BTBD8: variants seen among roughly 807,000 people sequenced by gnomAD.
BTBD8 encodes BTB/POZ domain-containing protein 8.
A neutral mutation model predicts 162.9 loss-of-function variants in BTBD8; 110 were observed. The observed-to-expected ratio is 0.68, with a 90% CI of 0.58 to 0.79. BTBD8 has a LOEUF of 0.79. BTBD8 is among the 30% of genes least tolerant of loss of function. The pLI, the probability that BTBD8 is intolerant of heterozygous loss-of-function variation, is 0.00. For missense variants in BTBD8, 1,905 were observed against 2,085.4 expected (o/e 0.91, Z 1.68); for synonymous variants, 667 against 716.1 (o/e 0.93, Z 1.10).
chr1:92,104,112 G>A (rs1426593867), intron 3 of BTBD8, among the ~76,000 whole-genome samples: 1 of 152,216 alleles, frequency 6.6e-6, no homozygotes, highest in Non-Finnish European at 1.5e-5. Context: ...CTAAGCAAAT[G>A]CGAAATTCAT....
chr1:92,132,181 A>G (rs1649532742), intron 5 of BTBD8, among the ~76,000 whole-genome samples: 1 of 152,204 alleles, frequency 6.6e-6, no homozygotes, highest in African/African-American at 2.4e-5. Context: ...GCACATTAGG[A>G]GAAACACATG....
At chr1:92,168,073 ATTGAAGC>A (rs1194464273) in intron 11 of BTBD8, 88 bp downstream of exon 11, 2 of 1,242,830 alleles carry the variant, frequency 1.6e-6, no homozygotes, top group African/African-American at 3.1e-5. Flanking sequence ...TTGCAGGGTC[ATTGAAGC>A]TAGGCAGTGG....
At chr1:92,155,719 T>C (rs1356999243) in intron 9 of BTBD8, among the ~76,000 whole-genome samples, 3 of 152,240 alleles carry the variant, frequency 2.0e-5, no homozygotes, top group Non-Finnish European at 4.4e-5. Flanking sequence ...ATGGGATTGT[T>C]TTTCTAATTT....
In BTBD8 at chr1:92,182,885, A is replaced by G. The variant is rs151247167; in HGVS notation, c.4912+290A>G. 1.4e-4 allele frequency among the ~76,000 whole-genome samples: 21 copies of G among 152,174 alleles called. No individual in the cohort carries two copies. The East Asian group carries it at 3.9e-3, about 28-fold the overall frequency. ...AAAAAGAAAAACTTAGTTTGCTGCT[A>G]TTTAGTTATTTATGTATAATTTAAC... On this transcript the variant is annotated intron_variant, in intron 17 of 17. Coordinates refer to ENST00000636805, the MANE Select transcript of BTBD8 (RefSeq NM_001376131.1).
chr1:92,162,532 A>T (rs1459895330), intron 9 of BTBD8, among the ~76,000 whole-genome samples: 1 of 152,226 alleles, frequency 6.6e-6, no homozygotes, highest in Admixed American at 6.5e-5. Context: ...TAATGTATCT[A>T]CAAAACACTT....
At chr1:92,096,551 CT>C (rs1184914140) in intron 2 of BTBD8, among the ~76,000 whole-genome samples, 2,794 of 138,988 alleles carry the variant, frequency 0.02, 48 homozygotes, top group African/African-American at 0.052. Flanking sequence ...CCTATATTTC[CT>C]TTTTTTTTTT....
At position 92,147,761 on chromosome 1, in the gene BTBD8, G is replaced by T. The variant is rs372147617; in HGVS notation, c.1097G>T (p.Cys366Phe). 3.1e-6 allele frequency: 5 copies of T among 1,613,234 alleles called. No homozygotes were observed. The highest frequency in any genetic ancestry group is 3.3e-5 in the Admixed American group (2 of 59,932). Residue 366 changes from cysteine to phenylalanine, a missense_variant, in exon 9 of 18, where the codon TGT (cysteine) becomes TTT (phenylalanine). Cys to Phe is a radical substitution (Grantham distance 205). Around this residue, in one of 3 missense-constraint regions of BTBD8, gnomAD observed 1,374 missense variants for 1,442.7 expected, o/e 0.95. Coordinates refer to ENST00000636805, the MANE Select transcript of BTBD8 (RefSeq NM_001376131.1). ...ATACCTCCTGAGATTCAGAAAAGTT[G>T]TCTTAATATGTTGATTCAGTCCTTA... is the stretch of plus-strand genomic sequence containing the variant. Reference protein sequence around the residue: ...ANIPPEIQKSCLNMLIQSLND... With the variant: ...ANIPPEIQKSFLNMLIQSLND...
In BTBD8 at chr1:92,103,894, T is replaced by C. The variant is rs1648659234; in HGVS notation, c.544+1225T>C. ...CAGACCATGCTAAAACATAAAAATATTCATAGAAAAGTGTCTCCCAATAGT... is the reference window on the plus strand; with the variant it reads ...CAGACCATGCTAAAACATAAAAATACTCATAGAAAAGTGTCTCCCAATAGT... On this transcript the variant is annotated intron_variant, in intron 3 of 17. Coordinates refer to ENST00000636805, the MANE Select transcript of BTBD8 (RefSeq NM_001376131.1). 2.6e-5 allele frequency among the ~76,000 whole-genome samples: 4 copies of C among 152,314 alleles called. 1 individual carries two copies. The highest frequency in any genetic ancestry group is 9.6e-5 in the African/African-American group (4 of 41,578).
Position 92,167,885 on chromosome 1 carries a change from C to G in BTBD8, c.1343C>G (p.Thr448Arg). ...AGCAGCACAGCCGATCTGTTGGACACAATTTTAAAAGCAATTGAAGAAAAT... is the reference window on the plus strand; with the variant it reads ...AGCAGCACAGCCGATCTGTTGGACAGAATTTTAAAAGCAATTGAAGAAAAT... ...AMSSTADLLD[T>R]ILKAIEENIT... The change falls in exon 11 of 18, where the codon ACA becomes AGA. Residue 448 changes from threonine (T) to arginine (R), a missense_variant. This residue lies in a region of BTBD8 where 1,374 missense variants were observed against 1,442.7 expected (regional missense o/e 0.95). Transcript: ENST00000636805. 1 of 1,550,996 alleles carries G rather than the reference C, an allele frequency of 6.4e-7. No homozygotes were observed. The highest frequency in any genetic ancestry group is 8.7e-7 in the Non-Finnish European group (1 of 1,146,460).
chr1:92,181,026 G>A lies in BTBD8; in HGVS notation c.3343G>A (p.Ala1115Thr), dbSNP rs1236123587. ...NPVCDLDSTS[A>T]GQIHLISDRE... The stretch of plus-strand genomic sequence containing the variant: ...AGTTTGTGATTTAGACTCAACAAGT[G>A]CAGGGCAAATCCATTTGATATCAGA... The change falls in exon 17 of 18, where the codon GCA becomes ACA. Residue 1115 changes from alanine to threonine, a missense_variant. This residue lies in a region of BTBD8 where 1,374 missense variants were observed against 1,442.7 expected (regional missense o/e 0.95). Coordinates refer to ENST00000636805, the MANE Select transcript of BTBD8 (RefSeq NM_001376131.1). 4 of 1,551,860 alleles carry A rather than the reference G, an allele frequency of 2.6e-6. No individual in the cohort carries two copies. The highest frequency in any genetic ancestry group is 3.5e-6 in the Non-Finnish European group (4 of 1,147,038).
Position 92,181,364 on chromosome 1 carries a change from A to G in BTBD8, c.3681A>G (p.Pro1227=), listed in dbSNP as rs761685536. The change falls in exon 17 of 18, where the codon CCA becomes CCG. Residue 1227 remains proline, a synonymous_variant. Coordinates refer to ENST00000636805, the MANE Select transcript of BTBD8 (RefSeq NM_001376131.1). ...AATCTCCAGAGAGCCATGAAACTCC[A>G]GAAACTCCATTTGTGGGTCACTGGA... ...TSESPESHET[P]ETPFVGHWNL... 1.3e-6 allele frequency: 2 copies of G among 1,551,696 alleles called. No homozygotes were observed. The highest frequency in any genetic ancestry group is 8.7e-7 in the Non-Finnish European group (1 of 1,146,970).
chr1:92,183,532 T>G (rs1402446294), intron 17 of BTBD8, among the ~76,000 whole-genome samples: 1 of 151,950 alleles, frequency 6.6e-6, no homozygotes, highest in Non-Finnish European at 1.5e-5. Flanking sequence ...CTTTTTTTTT[T>G]CTCTTTTTCT....
At chr1:92,169,560 TC>T (rs1190116843) in intron 12 of BTBD8, among the ~76,000 whole-genome samples, 2 of 152,034 alleles carry the variant, frequency 1.3e-5, no homozygotes, top group African/African-American at 4.8e-5. Context: ...TGTATATTGC[TC>T]AGAACATGTG....
chr1:92,107,435 A>G (rs1357864415), intron 3 of BTBD8, among the ~76,000 whole-genome samples: 2 of 152,218 alleles, frequency 1.3e-5, no homozygotes, highest in Non-Finnish European at 2.9e-5. Flanking sequence ...GCTTACATAC[A>G]CAACTGCTTA....
At chr1:92,136,289 C>T (rs1649631206) in intron 5 of BTBD8, among the ~76,000 whole-genome samples, 1 of 151,912 alleles carries the variant, frequency 6.6e-6, no homozygotes, top group Non-Finnish European at 1.5e-5. Context: ...TCAAAGCAAA[C>T]ACCTTTCTGA....
chr1:92,081,957 T>TA (rs34461802), intron 1 of BTBD8, among the ~76,000 whole-genome samples: 150 of 149,710 alleles, frequency 1.0e-3, no homozygotes, highest in Non-Finnish European at 1.3e-3. Context: ...TTTATCAAAG[T>TA]AAAAAAAAAA....
intron 9 of BTBD8, among the ~76,000 whole-genome samples, chr1:92,164,555 G>T (rs1479931610): frequency 6.6e-6 from 1 of 151,800 alleles, no homozygotes; most frequent in Non-Finnish European, 1.5e-5. Flanking sequence ...GGAGGTGGAG[G>T]TTACAGTGAG....
Position 92,119,903 on chromosome 1 carries a change from T to C in BTBD8, c.663-9784T>C, listed in dbSNP as rs200835125. On this transcript the variant is annotated intron_variant, in intron 4 of 17. Coordinates refer to ENST00000636805, the MANE Select transcript of BTBD8 (RefSeq NM_001376131.1). ...GCACCCGGCCCTTTTCTTTTTTTTT[T>C]TTTTTTTTTTTTTTTGAGACGGAGT... is the stretch of plus-strand genomic sequence containing the variant. 7.3e-3 allele frequency among the ~76,000 whole-genome samples: 930 copies of C among 126,958 alleles called. 6 individuals are homozygous for C. Among genetic ancestry groups the C allele is most frequent in the African/African-American group, 0.031 (864 of 27,758 alleles). The allele number at this position is 126,958 out of a possible 152,430, so 83.3% of individuals were successfully genotyped here.
In BTBD8 at chr1:92,177,058, A is replaced by T. The variant is rs1207252187; in HGVS notation, c.1865A>T (p.Glu622Val). The change falls in exon 14 of 18, where the codon GAA becomes GTA. Residue 622 changes from glutamate (E) to valine (V), a missense_variant. By Grantham distance (121) the Glu-to-Val change is moderately radical. This residue lies in a region of BTBD8 where 1,374 missense variants were observed against 1,442.7 expected (regional missense o/e 0.95). Transcript: ENST00000636805. ...AAAATAGCATCTAAGATTACAAAAG[A>T]ACTAAAAACTGGGGGAAAAAATGTT... ...GTKIASKITK[E>V]LKTGGKNVSG... The T allele has an allele frequency of 1.3e-6, 2 of 1,551,090 alleles. No individual in the cohort carries two copies. Among genetic ancestry groups the T allele is most frequent in the Non-Finnish European group, 1.7e-6 (2 of 1,146,824 alleles).
Sources: gnomAD v4.1 joint callset for allele counts (sites outside exome capture counted in the v4.1 genomes callset) on GRCh38, gnomAD v4.1.1 for gene constraint, gnomAD v4.1.1 regional missense constraint, MANE v1.5 for transcripts, NCBI Gene and HGNC (gene_info 2026-07-23, HGNC 2026-07-21) for gene names.